GNAI1: variants seen among roughly 807,000 people sequenced by gnomAD.
GNAI1 encodes guanine nucleotide-binding protein G(i) subunit alpha-1.
A neutral mutation model predicts 38.9 loss-of-function variants in GNAI1; 11 were observed. The observed-to-expected ratio is 0.28, with a 90% CI of 0.18 to 0.47. The LOEUF (loss-of-function observed/expected upper bound fraction) is 0.47. Ranked by LOEUF, GNAI1 falls within the 20% of genes least tolerant of loss-of-function variation. The pLI is 0.99. For missense variants in GNAI1, 317 were observed against 436.9 expected (o/e 0.73, Z 2.45); for synonymous variants, 166 against 145.1 (o/e 1.14, Z -1.04).
At chr7:80,138,204 T>C (rs1469045527) in intron 1 of GNAI1, among the ~76,000 whole-genome samples, 1 of 152,194 alleles carries the variant, frequency 6.6e-6, no homozygotes, top group African/African-American at 2.4e-5. Flanking sequence ...ATATATTGCA[T>C]TTTTTTCTTA....
At chr7:80,193,233 A>G (rs1050498391) in intron 3 of GNAI1, among the ~76,000 whole-genome samples, 2 of 152,270 alleles carry the variant, frequency 1.3e-5, no homozygotes, top group African/African-American at 2.4e-5. Flanking sequence ...TTGAAACACA[A>G]CAAACCAAAA....
At chr7:80,177,138 C>T (rs1377480620) in intron 1 of GNAI1, among the ~76,000 whole-genome samples, 1 of 144,420 alleles carries the variant, frequency 6.9e-6, no homozygotes, top group African/African-American at 2.6e-5. Context: ...TCATGCCATT[C>T]TCCTGCCTCT....
intron 1 of GNAI1, among the ~76,000 whole-genome samples, chr7:80,143,507 A>G (rs765041978): frequency 2.0e-5 from 3 of 152,168 alleles, no homozygotes; most frequent in Non-Finnish European, 2.9e-5. Flanking sequence ...CTATGAATTT[A>G]GTTTTCTAAC....
rs72612609 is a variant in GNAI1, at chr7:80,211,933, T to C, written c.721-783T>C. ...GGTTTAAGCTGCATGGGTCCACATA[T>C]ATGAAAATTTTTTTCAACCAAGCAC... On this transcript the variant is annotated intron_variant, in intron 6 of 7. Coordinates refer to ENST00000649796, the MANE Select transcript of GNAI1 (RefSeq NM_002069.6). Among the ~76,000 whole-genome samples the C allele has an allele frequency of 2.1e-3, 313 of 152,242 alleles. 11 individuals are homozygous for C. The East Asian group carries it at 0.049, about 24-fold the overall frequency.
At chr7:80,203,389 G>A (rs1788721367) in intron 4 of GNAI1, among the ~76,000 whole-genome samples, 1 of 151,960 alleles carries the variant, frequency 6.6e-6, no homozygotes, top group African/African-American at 2.4e-5. Context: ...CAAACTCATG[G>A]TGTGTATTAG....
At chr7:80,192,756 C>A (rs985683948) in intron 3 of GNAI1, among the ~76,000 whole-genome samples, 3 of 152,044 alleles carry the variant, frequency 2.0e-5, no homozygotes, top group Non-Finnish European at 2.9e-5. Context: ...AGTGCAGGAG[C>A]ATGATCTCAG....
chr7:80,180,023 C>T (rs1022590341), intron 1 of GNAI1, among the ~76,000 whole-genome samples: 1 of 152,114 alleles, frequency 6.6e-6, no homozygotes, highest in Non-Finnish European at 1.5e-5. Flanking sequence ...TCTGTGACTC[C>T]GCTCACAAAT....
intron 7 of GNAI1, among the ~76,000 whole-genome samples, chr7:80,214,231 T>G (rs778788045): frequency 6.6e-6 from 1 of 152,206 alleles, no homozygotes; most frequent in African/African-American, 2.4e-5. Context: ...TTTAAAACTT[T>G]GCTTTCTTTT....
intron 1 of GNAI1, among the ~76,000 whole-genome samples, chr7:80,159,207 T>TG (rs1474952095): frequency 6.6e-6 from 1 of 152,120 alleles, no homozygotes; most frequent in Non-Finnish European, 1.5e-5. Context: ...AACAATTTTT[T>TG]GGGGGGGCTT....
At position 80,218,506 on chromosome 7, in the gene GNAI1, T is replaced by G; in HGVS notation, c.*1013T>G. 6.6e-6 allele frequency: 1 copy of G among 152,266 alleles called. No homozygotes were observed. Among genetic ancestry groups the G allele is most frequent in the Admixed American group, 6.5e-5 (1 of 15,280 alleles). The allele number at this position is 152,266 out of a possible 1,614,324, so 9.4% of individuals were successfully genotyped here. On this transcript the variant is annotated 3_prime_UTR_variant, in exon 8 of 8. Coordinates refer to ENST00000649796, the MANE Select transcript of GNAI1 (RefSeq NM_002069.6). The stretch of plus-strand genomic sequence containing the variant: ...TGATTGGTGAGGCTTTTATTTCCCT[T>G]GAGGAGTCTCTTGTACCTAGCATAC...
intron 1 of GNAI1, among the ~76,000 whole-genome samples, chr7:80,166,120 TAGTA>T (rs1424087937): frequency 6.6e-6 from 1 of 152,186 alleles, no homozygotes; most frequent in Non-Finnish European, 1.5e-5. Context: ...GTTTGTCACA[TAGTA>T]AGAGCTATAA....
At chr7:80,135,319 C>A in intron 1 of GNAI1, 41 bp downstream of exon 1, 6 of 1,184,460 alleles carry the variant, frequency 5.1e-6, no homozygotes, top group South Asian at 1.9e-5. Flanking sequence ...CGGCGGGGGA[C>A]CGGGTGCGGC....
intron 1 of GNAI1, among the ~76,000 whole-genome samples, chr7:80,152,084 G>T (rs1304006135): frequency 2.0e-5 from 3 of 152,096 alleles, no homozygotes; most frequent in Admixed American, 1.3e-4. Context: ...TAGAACTAAG[G>T]TGGCAGGTAG....
At position 80,225,436 on chromosome 7, in the gene GNAI1, T is replaced by G. The variant is rs897859083; in HGVS notation, c.*7943T>G. On this transcript the variant is annotated 3_prime_UTR_variant, in exon 8 of 8. Transcript: ENST00000649796. ...CAGCCAAATCAAAAGATTAGTGGGG[T>G]TTTTTTTAATGTTGTTATTGTGTTG... 3.9e-5 allele frequency among the ~76,000 whole-genome samples: 6 copies of G among 152,080 alleles called. No homozygotes were observed. Among genetic ancestry groups the G allele is most frequent in the African/African-American group, 1.4e-4 (6 of 41,388 alleles).
At chr7:80,212,212 CTT>C (rs1250377280) in intron 6 of GNAI1, among the ~76,000 whole-genome samples, 2 of 152,132 alleles carry the variant, frequency 1.3e-5, no homozygotes, top group African/African-American at 2.4e-5. Context: ...TCAGTGCCCT[CTT>C]TGATGAGCAC....
Position 80,199,270 on chromosome 7 carries a change from G to C in GNAI1, c.349G>C (p.Gly117Arg). 6.2e-7 allele frequency: 1 copy of C among 1,613,334 alleles called. No homozygotes were observed. ...TGTGCTAGCTGGAGCTGCTGAAGAA[G>C]GCTTTATGACTGCAGAACTTGCTGG... Reference protein sequence around the residue: ...LFVLAGAAEEGFMTAELAGVI... With the variant: ...LFVLAGAAEERFMTAELAGVI... The change falls in exon 4 of 8, where the codon GGC becomes CGC. Residue 117 changes from glycine (G) to arginine (R), a missense_variant. By Grantham distance (125) the Gly-to-Arg change is moderately radical (BLOSUM62 -2). Around this residue, in one of 5 missense-constraint regions of GNAI1, gnomAD observed 67 missense variants for 61.5 expected, o/e 1.09. Coordinates refer to ENST00000649796, the MANE Select transcript of GNAI1 (RefSeq NM_002069.6).
intron 6 of GNAI1, 102 bp downstream of exon 6, chr7:80,211,200 C>A: frequency 1.0e-6 from 1 of 956,134 alleles, no homozygotes; most frequent in Non-Finnish European, 1.5e-6. Flanking sequence ...AGTACAGGGT[C>A]TTTCCTCTAA....
At position 80,223,589 on chromosome 7, in the gene GNAI1, G is replaced by A. The variant is rs1789115042; in HGVS notation, c.*6096G>A. Among the ~76,000 whole-genome samples the A allele has an allele frequency of 6.6e-6, 1 of 152,144 alleles. No individual in the cohort carries two copies. Among genetic ancestry groups the A allele is most frequent in the Admixed American group, 6.5e-5 (1 of 15,276 alleles). ...TCTTTAATTTCTATTAAATAGTACT[G>A]AGGTATCAATTTTGTAGCTTGTGGA... On this transcript the variant is annotated 3_prime_UTR_variant, in exon 8 of 8. Transcript: ENST00000649796.
intron 6 of GNAI1, 101 bp from the exon 7 acceptor site, chr7:80,212,615 A>C: frequency 1.6e-6 from 1 of 639,668 alleles, no homozygotes; most frequent in Non-Finnish European, 2.6e-6. Flanking sequence ...GTATTTTTCA[A>C]TCACTAAACT....
Sources: gnomAD v4.1 joint callset for allele counts (sites outside exome capture counted in the v4.1 genomes callset) on GRCh38, gnomAD v4.1.1 for gene constraint, gnomAD v4.1.1 regional missense constraint, MANE v1.5 for transcripts, NCBI Gene and HGNC (gene_info 2026-07-23, HGNC 2026-07-21) for gene names.